EYA2: variants seen among roughly 807,000 people sequenced by gnomAD.
The protein encoded by EYA2 is EYA transcriptional coactivator and phosphatase 2.
EYA2 carries 31 observed loss-of-function variants against 69.2 expected under a neutral mutation model. The ratio of observed to expected loss-of-function variants is 0.45; its 90% CI spans 0.34 to 0.60. The LOEUF is 0.60. Among genes scored for constraint, EYA2 ranks in the 20% least tolerant of loss-of-function variants. The pLI, the probability that EYA2 is intolerant of heterozygous loss-of-function variation, is 0.02. For synonymous variants in EYA2, 257 were observed against 279.4 expected, an observed-to-expected ratio of 0.92 and a Z score of 0.80; for missense variants, 622 against 701.2, an observed-to-expected ratio of 0.89 and a Z score of 1.28.
At chr20:47,171,011 T>C (rs1316689764) in intron 11 of EYA2, among the ~76,000 whole-genome samples, 1 of 152,254 alleles carries the variant, frequency 6.6e-6, no homozygotes, top group Non-Finnish European at 1.5e-5. Context: ...GGAAAATCCC[T>C]TCTGCAATCA....
intron 1 of EYA2, among the ~76,000 whole-genome samples, chr20:46,956,841 C>G (rs895507969): frequency 6.6e-6 from 1 of 152,176 alleles, no homozygotes; most frequent in Non-Finnish European, 1.5e-5. Flanking sequence ...GCCTCAGAAT[C>G]ATGAAAGGCA....
intron 1 of EYA2, among the ~76,000 whole-genome samples, chr20:46,953,901 G>T (rs1214468864): frequency 6.6e-6 from 1 of 152,194 alleles, no homozygotes; most frequent in Non-Finnish European, 1.5e-5. Context: ...GAACCTTCCA[G>T]CAAATTCCCA....
chr20:47,106,879 G>A (rs975497126), intron 9 of EYA2, among the ~76,000 whole-genome samples: 1 of 152,130 alleles, frequency 6.6e-6, no homozygotes, highest in African/African-American at 2.4e-5. Flanking sequence ...AGGGAGCAGA[G>A]AGTAACAACT....
At chr20:47,027,309 G>A (rs1428117338) in intron 5 of EYA2, among the ~76,000 whole-genome samples, 1 of 152,216 alleles carries the variant, frequency 6.6e-6, no homozygotes, top group Non-Finnish European at 1.5e-5. Context: ...CACTGCATCG[G>A]TCAAGACAGG....
chr20:46,907,998 G>T lies in EYA2; in HGVS notation c.-11+13011G>T, dbSNP rs140255831. ...GTTTTTCTCTAGAAGCAACTACCTG[G>T]TTTTCAGTGGCAAGGTGCACAGACT... On this transcript the variant is annotated intron_variant, in intron 1 of 15. Coordinates refer to ENST00000327619, the MANE Select transcript of EYA2 (RefSeq NM_005244.5). 2.2e-3 allele frequency among the ~76,000 whole-genome samples: 342 copies of T among 152,228 alleles called. 3 individuals carry two copies. The highest frequency in any genetic ancestry group is 7.8e-3 in the African/African-American group (323 of 41,534).
intron 5 of EYA2, among the ~76,000 whole-genome samples, chr20:47,054,005 T>G (rs2030473696): frequency 6.6e-6 from 1 of 152,000 alleles, no homozygotes; most frequent in Admixed American, 6.6e-5. Flanking sequence ...GGGATGGTAT[T>G]GATGATGACA....
At chr20:47,187,435 T>A (rs1297481835) in intron 15 of EYA2, among the ~76,000 whole-genome samples, 2 of 149,784 alleles carry the variant, frequency 1.3e-5, no homozygotes, top group African/African-American at 5.0e-5. Flanking sequence ...AAGGAAAAGA[T>A]AAAAACGAAA....
chr20:46,894,882 G>C lies in EYA2; in HGVS notation c.-116G>C, dbSNP rs894857952. ...CCCAGGAGGCGGAGGCAGCGGCAACGGCAGAGACAGCAACGTGCCCGCCGC... is the reference window on the plus strand; with the variant it reads ...CCCAGGAGGCGGAGGCAGCGGCAACCGCAGAGACAGCAACGTGCCCGCCGC... On this transcript the variant is annotated 5_prime_UTR_variant, in exon 1 of 16. Coordinates refer to ENST00000327619, the MANE Select transcript of EYA2 (RefSeq NM_005244.5). The C allele has an allele frequency of 6.6e-6, 1 of 151,256 alleles. No individual in the cohort carries two copies. Among genetic ancestry groups the C allele is most frequent in the Non-Finnish European group, 1.5e-5 (1 of 67,792 alleles). 9.4% of individuals were successfully genotyped at this position (151,256 alleles called of 1,614,324 possible).
intron 5 of EYA2, among the ~76,000 whole-genome samples, chr20:47,057,121 AAGAAGAC>A (rs1283775888): frequency 7.1e-6 from 1 of 141,792 alleles, no homozygotes; most frequent in East Asian, 2.1e-4. Context: ...GGAGGGAAGG[AAGAAGAC>A]AGGAAGGAGG....
chr20:46,959,227 C>T (rs1979320711), intron 1 of EYA2, among the ~76,000 whole-genome samples: 1 of 152,202 alleles, frequency 6.6e-6, no homozygotes, highest in South Asian at 2.1e-4. Flanking sequence ...GACTGAGTCA[C>T]AAAGACCTTT....
chr20:46,926,796 C>T (rs985147067), intron 1 of EYA2, among the ~76,000 whole-genome samples: 3 of 152,302 alleles, frequency 2.0e-5, no homozygotes, highest in South Asian at 4.1e-4. Context: ...ATGTGACTGC[C>T]GTGCCTAATT....
chr20:46,928,939 T>C (rs183653292), intron 1 of EYA2, among the ~76,000 whole-genome samples: 82 of 152,216 alleles, frequency 5.4e-4, no homozygotes, highest in Non-Finnish European at 1.0e-3. Flanking sequence ...CAAGAGCACA[T>C]TGTGTTCTGG....
intron 7 of EYA2, among the ~76,000 whole-genome samples, chr20:47,078,707 A>AT (rs374417853): frequency 6.6e-6 from 1 of 152,224 alleles, no homozygotes; most frequent in South Asian, 2.1e-4. Context: ...TTACTTAAGG[A>AT]TTTTTTTCTT....
At chr20:46,943,187 C>T (rs1415803040) in intron 1 of EYA2, among the ~76,000 whole-genome samples, 2 of 152,196 alleles carry the variant, frequency 1.3e-5, no homozygotes, top group East Asian at 3.9e-4. Context: ...AGGCGTGCTG[C>T]GGGCGCCTAG....
intron 2 of EYA2, among the ~76,000 whole-genome samples, chr20:46,997,258 T>G (rs1325163694): frequency 6.6e-6 from 1 of 152,118 alleles, no homozygotes; most frequent in Non-Finnish European, 1.5e-5. Context: ...AGGATAGAAC[T>G]TACTATCATG....
intron 5 of EYA2, among the ~76,000 whole-genome samples, chr20:47,065,868 CT>C (rs2031089735): frequency 6.6e-6 from 1 of 152,156 alleles, no homozygotes; most frequent in South Asian, 2.1e-4. Flanking sequence ...ATCTCACTTC[CT>C]TATGTATCTG....
intron 10 of EYA2, among the ~76,000 whole-genome samples, chr20:47,153,495 A>G (rs993560418): frequency 1.3e-5 from 2 of 151,792 alleles, no homozygotes; most frequent in South Asian, 4.2e-4. Context: ...ACAAAAAAAA[A>G]CAAAACAAAA....
At chr20:47,169,291 CT>C in intron 11 of EYA2, 94 bp downstream of exon 11, 1 of 1,260,512 alleles carries the variant, frequency 7.9e-7, no homozygotes, top group Non-Finnish European at 1.2e-6. Flanking sequence ...AGGAGGGCTG[CT>C]TATAAGGACA....
chr20:47,100,926 A>C (rs1393835321), intron 9 of EYA2, among the ~76,000 whole-genome samples: 1 of 152,220 alleles, frequency 6.6e-6, no homozygotes, highest in South Asian at 2.1e-4. Context: ...CAGCCTCTAC[A>C]GTCTTATTCC....
Sources: allele counts gnomAD v4.1 joint callset (sites outside exome capture counted in the v4.1 genomes callset), GRCh38; gene constraint gnomAD v4.1.1; transcripts MANE v1.5; gene names NCBI Gene and HGNC (gene_info 2026-07-23, HGNC 2026-07-21).